LRP1B: variants seen among roughly 807,000 people sequenced by gnomAD.
LRP1B encodes low-density lipoprotein receptor-related protein 1B.
A neutral mutation model predicts 556.6 loss-of-function variants in LRP1B; 217 were observed. The ratio of observed to expected loss-of-function variants is 0.39; its 90% CI spans 0.35 to 0.44. The LOEUF (loss-of-function observed/expected upper bound fraction) is 0.44. LRP1B is among the 20% of genes least tolerant of loss of function. The pLI is 1.00. For synonymous variants in LRP1B, 2,047 were observed against 1,865.8 expected (o/e 1.10, Z -2.50); for missense variants, 5,053 against 5,620.8 (o/e 0.90, Z 3.23).
At chr2:141,780,093 T>A (rs1695203327) in intron 2 of LRP1B, among the ~76,000 whole-genome samples, 1 of 150,288 alleles carries the variant, frequency 6.7e-6, no homozygotes, top group Non-Finnish European at 1.5e-5. Context: ...AACAAGTGGA[T>A]TTCCAAATGC....
At chr2:141,614,080 C>CAGAAAAA (rs1553543025) in intron 2 of LRP1B, among the ~76,000 whole-genome samples, 250 of 47,348 alleles carry the variant, frequency 5.3e-3, no homozygotes, top group East Asian at 0.01. Flanking sequence ...AACTCAGCCT[C>CAGAAAAA]AAAAAAAAAA....
intron 1 of LRP1B, among the ~76,000 whole-genome samples, chr2:142,072,155 G>T (rs1037128143): frequency 3.3e-5 from 5 of 151,882 alleles, no homozygotes; most frequent in Non-Finnish European, 7.4e-5. Flanking sequence ...TAGTTCAGCG[G>T]TTGCCTAATG....
At chr2:141,012,125 C>G (rs1281150351) in intron 14 of LRP1B, among the ~76,000 whole-genome samples, 1 of 151,812 alleles carries the variant, frequency 6.6e-6, no homozygotes, top group African/African-American at 2.4e-5. Flanking sequence ...GATGTCAGGA[C>G]CCAGATCTAA....
Position 141,810,326 on chromosome 2 carries a change from T to C in LRP1B, c.158A>G (p.Asp53Gly). ...VTCVSQSWLCDGDPDCPDDSD... is the reference protein window; with the variant it reads ...VTCVSQSWLCGGDPDCPDDSD... ...ATCATCAGGGCAGTCAGGGTCCCCATCACACAGCCAGCTCTGGGAGACACA... is the reference window on the plus strand; with the variant it reads ...ATCATCAGGGCAGTCAGGGTCCCCACCACACAGCCAGCTCTGGGAGACACA... The change falls in exon 2 of 91, where the codon GAT becomes GGT. Residue 53 changes from aspartate to glycine, a missense_variant. Transcript: ENST00000389484. The C allele has an allele frequency of 6.2e-7, 1 of 1,613,212 alleles. No individual in the cohort carries two copies. Among genetic ancestry groups the C allele is most frequent in the Non-Finnish European group, 8.5e-7 (1 of 1,179,514 alleles).
chr2:141,749,846 G>T (rs1374009574), intron 2 of LRP1B, among the ~76,000 whole-genome samples: 1 of 152,096 alleles, frequency 6.6e-6, no homozygotes, highest in Non-Finnish European at 1.5e-5. Context: ...ATATCCTGGG[G>T]ATTGAAGGTG....
chr2:140,664,821 C>T (rs1574212615), intron 41 of LRP1B, among the ~76,000 whole-genome samples: 2 of 151,894 alleles, frequency 1.3e-5, no homozygotes, highest in African/African-American at 2.4e-5. Flanking sequence ...TGTGTAGTGG[C>T]TTTAAACAAA....
chr2:140,357,130 A>G (rs975743119), intron 74 of LRP1B, among the ~76,000 whole-genome samples: 1 of 151,768 alleles, frequency 6.6e-6, no homozygotes, highest in Non-Finnish European at 1.5e-5. Context: ...ACATTTTAGA[A>G]GGCCTTCTCT....
At chr2:141,708,061 G>C (rs1040710242) in intron 2 of LRP1B, among the ~76,000 whole-genome samples, 1 of 152,078 alleles carries the variant, frequency 6.6e-6, no homozygotes, top group Non-Finnish European at 1.5e-5. Flanking sequence ...AAACTCTGAT[G>C]TTAAGAAAAT....
intron 25 of LRP1B, among the ~76,000 whole-genome samples, chr2:140,882,209 T>C (rs1157550390): frequency 6.6e-6 from 1 of 152,182 alleles, no homozygotes; most frequent in African/African-American, 2.4e-5. Context: ...TCAGTAGTTG[T>C]TGGTACTGGA....
intron 1 of LRP1B, among the ~76,000 whole-genome samples, chr2:141,970,611 G>C (rs1480870044): frequency 2.0e-5 from 3 of 151,502 alleles, no homozygotes; most frequent in Middle Eastern, 3.2e-3. Flanking sequence ...ATCTGTAACT[G>C]TAAGTATATG....
intron 1 of LRP1B, among the ~76,000 whole-genome samples, chr2:141,950,076 T>C (rs1343825004): frequency 6.6e-6 from 1 of 152,150 alleles, no homozygotes; most frequent in Non-Finnish European, 1.5e-5. Flanking sequence ...AGTGGTAAGT[T>C]TGGGTAATGA....
intron 2 of LRP1B, among the ~76,000 whole-genome samples, chr2:141,745,284 C>A (rs1693870987): frequency 6.6e-6 from 1 of 152,110 alleles, no homozygotes; most frequent in Non-Finnish European, 1.5e-5. Flanking sequence ...CAGTGAATTC[C>A]CCCATGCCCC....
intron 3 of LRP1B, among the ~76,000 whole-genome samples, chr2:141,478,016 A>C (rs1363406467): frequency 6.6e-6 from 1 of 152,200 alleles, no homozygotes; most frequent in Non-Finnish European, 1.5e-5. Context: ...TGAAACACTT[A>C]AATAACTGAA....
chr2:141,527,789 T>G (rs1684739018), intron 2 of LRP1B, among the ~76,000 whole-genome samples: 1 of 152,166 alleles, frequency 6.6e-6, no homozygotes, highest in South Asian at 2.1e-4. Context: ...TGTACCTATT[T>G]TGCTGTAAAT....
At chr2:141,468,291 A>G (rs966106734) in intron 3 of LRP1B, among the ~76,000 whole-genome samples, 3 of 152,206 alleles carry the variant, frequency 2.0e-5, no homozygotes, top group African/African-American at 7.2e-5. Context: ...AAGCAAGAGC[A>G]TGACTAGTGC....
intron 1 of LRP1B, among the ~76,000 whole-genome samples, chr2:141,935,774 A>G (rs955567486): frequency 6.6e-6 from 1 of 152,216 alleles, no homozygotes; most frequent in Non-Finnish European, 1.5e-5. Context: ...TACTTATTGC[A>G]AGTGTTTTTG....
chr2:141,360,181 T>C (rs1365160873), intron 3 of LRP1B, among the ~76,000 whole-genome samples: 1 of 152,196 alleles, frequency 6.6e-6, no homozygotes, highest in Non-Finnish European at 1.5e-5. Flanking sequence ...GATTTAGTGA[T>C]TATTAGTATT....
intron 1 of LRP1B, among the ~76,000 whole-genome samples, chr2:141,882,995 G>T (rs140694567): frequency 6.6e-6 from 1 of 152,150 alleles, no homozygotes; most frequent in Non-Finnish European, 1.5e-5. Flanking sequence ...GCTAAAGTAC[G>T]CAGCTATTCA....
chr2:141,506,723 G>A (rs4328578), intron 2 of LRP1B, among the ~76,000 whole-genome samples: 126,187 of 151,850 alleles, frequency 0.83, 52,755 homozygotes, highest in East Asian at 0.97. Flanking sequence ...ACTTTTGGAC[G>A]GCTATATACA....
Sources: allele counts gnomAD v4.1 joint callset (sites outside exome capture counted in the v4.1 genomes callset), GRCh38; gene constraint gnomAD v4.1.1; transcripts MANE v1.5; gene names NCBI Gene and HGNC (gene_info 2026-07-23, HGNC 2026-07-21).